TARBP1: variants seen among roughly 807,000 people sequenced by gnomAD.
The protein encoded by TARBP1 is tRNA (guanosine(18)-2'-O)-methyltransferase TARBP1.
A neutral mutation model predicts 178.6 loss-of-function variants in TARBP1; 144 were observed. The ratio of observed to expected loss-of-function variants is 0.81; its 90% CI spans 0.70 to 0.93. The LOEUF is 0.93. Ranked by LOEUF, TARBP1 falls within the 40% of genes least tolerant of loss-of-function variation. TARBP1 has a pLI of 0.00. For missense variants in TARBP1, 2,067 were observed against 2,011.7 expected (o/e 1.03, Z -0.53); for synonymous variants, 787 against 781.0 (o/e 1.01, Z -0.13).
chr1:234,479,112 C>T lies in TARBP1; in HGVS notation c.-9G>A. 2 of 1,525,352 alleles carry T rather than the reference C, an allele frequency of 1.3e-6. No individual in the cohort carries two copies. The highest frequency in any genetic ancestry group is 1.7e-6 in the Non-Finnish European group (2 of 1,150,128). The allele number at this position is 1,525,352 out of a possible 1,614,324, so 94.5% of individuals were successfully genotyped here. ...GCGAGCACCCACTCCATTTGCCGAG[C>T]GCCCGCGCCACCGGCCCGGGCTCCC... On this transcript the variant is annotated 5_prime_UTR_variant, in exon 1 of 30. Coordinates refer to ENST00000040877, the MANE Select transcript of TARBP1 (RefSeq NM_005646.4).
intron 14 of TARBP1, 78 bp downstream of exon 14, chr1:234,433,332 T>C (rs1307313967): frequency 1.4e-6 from 2 of 1,396,542 alleles, no homozygotes; most frequent in Non-Finnish European, 2.0e-6. Flanking sequence ...GGTATCAAAA[T>C]AGTGTATAAG....
intron 1 of TARBP1, among the ~76,000 whole-genome samples, chr1:234,476,827 C>A (rs1669611538): frequency 6.6e-6 from 1 of 152,216 alleles, no homozygotes; most frequent in Admixed American, 6.5e-5. Context: ...ACAGGATTTG[C>A]TTTCTGTAAC....
Position 234,478,163 on chromosome 1 carries a change from A to G in TARBP1, c.931+10T>C. The G allele has an allele frequency of 6.2e-7, 1 of 1,611,334 alleles. No individual in the cohort carries two copies. Among genetic ancestry groups the G allele is most frequent in the Non-Finnish European group, 8.5e-7 (1 of 1,179,164 alleles). ...GGTAGCACTAGGCTGGGGGGCAAAG[A>G]GGCAGGTACCGTTTCCTTCCTGGGG... On this transcript the variant is annotated intron_variant, in intron 1 of 29. Transcript: ENST00000040877.
rs114897343 is a variant in TARBP1 at position 234,421,573 on chromosome 1, C to T, written c.3445-761G>A. ...TGGTATCTACAATCTGATGCAAACA[C>T]CACTAAGAAGCCACCCCAGTACATG... is the stretch of plus-strand genomic sequence containing the variant. On this transcript the variant is annotated intron_variant, in intron 20 of 29. Coordinates refer to ENST00000040877, the MANE Select transcript of TARBP1 (RefSeq NM_005646.4). 1.6e-3 allele frequency among the ~76,000 whole-genome samples: 246 copies of T among 152,318 alleles called. 2 individuals carry two copies. Among genetic ancestry groups the T allele is most frequent in the African/African-American group, 5.7e-3 (236 of 41,564 alleles).
chr1:234,393,922 G>A (rs1659663709), intron 26 of TARBP1, 85 bp from the exon 27 acceptor site: 1 of 1,020,532 alleles, frequency 9.8e-7, no homozygotes, highest in African/African-American at 1.7e-5. Context: ...GTATTTTTAA[G>A]AATGTGAAAT....
chr1:234,453,925 G>A (rs1331519534), intron 9 of TARBP1, among the ~76,000 whole-genome samples: 6 of 152,088 alleles, frequency 3.9e-5, no homozygotes, highest in African/African-American at 1.4e-4. Flanking sequence ...CAGGACATTA[G>A]GAGACAGGCA....
intron 6 of TARBP1, among the ~76,000 whole-genome samples, chr1:234,461,467 C>T (rs948777333): frequency 1.3e-5 from 2 of 152,094 alleles, no homozygotes; most frequent in Admixed American, 6.5e-5. Context: ...GCCACCACAC[C>T]CGGCTAATTT....
At chr1:234,450,641 GTTTC>G (rs943732386) in intron 9 of TARBP1, 75 bp from the exon 10 acceptor site, 23 of 1,490,522 alleles carry the variant, frequency 1.5e-5, no homozygotes, top group African/African-American at 4.3e-5. Flanking sequence ...CTTAAGCCAC[GTTTC>G]TTTCTTTCAC....
chr1:234,404,027 T>A (rs1275452591), intron 24 of TARBP1, among the ~76,000 whole-genome samples: 5 of 152,132 alleles, frequency 3.3e-5, no homozygotes, highest in Non-Finnish European at 7.3e-5. Flanking sequence ...TCCTACCTGG[T>A]ACTGAGATTT....
At chr1:234,398,786 G>A (rs1485763787) in intron 25 of TARBP1, among the ~76,000 whole-genome samples, 1 of 151,766 alleles carries the variant, frequency 6.6e-6, no homozygotes, top group Non-Finnish European at 1.5e-5. Context: ...CTTGTACTCT[G>A]GTACTTCTAA....
intron 19 of TARBP1, 62 bp from the exon 20 acceptor site, chr1:234,425,855 T>C: frequency 1.4e-5 from 19 of 1,313,450 alleles, no homozygotes; most frequent in Non-Finnish European, 1.1e-6. Context: ...TAACATCAAA[T>C]ATTAGTTTCA....
At chr1:234,426,603 C>T (rs1182631414) in intron 19 of TARBP1, among the ~76,000 whole-genome samples, 1 of 151,976 alleles carries the variant, frequency 6.6e-6, no homozygotes, top group Non-Finnish European at 1.5e-5. Context: ...ATTTGATGTC[C>T]TAAACTCTAA....
intron 24 of TARBP1, 143 bp downstream of exon 24, chr1:234,405,760 C>T (rs1432068505): frequency 1.4e-6 from 1 of 716,222 alleles, no homozygotes; most frequent in African/African-American, 1.8e-5. Flanking sequence ...CTGCTTAGGC[C>T]TGGCCCAGTC....
chr1:234,477,844 C>T (rs1177483681), intron 1 of TARBP1, among the ~76,000 whole-genome samples: 2 of 152,160 alleles, frequency 1.3e-5, no homozygotes, highest in African/African-American at 4.8e-5. Flanking sequence ...TCAACCGTTT[C>T]TATTGGGTTG....
intron 26 of TARBP1, among the ~76,000 whole-genome samples, chr1:234,394,371 G>A (rs1488756490): frequency 2.6e-5 from 4 of 152,334 alleles, no homozygotes; most frequent in Non-Finnish European, 4.4e-5. Context: ...GACACAGAAC[G>A]TTACTAGCCT....
At chr1:234,446,633 AAATTATATAATTTCTTAATATAT>A (rs6143677) in intron 12 of TARBP1, among the ~76,000 whole-genome samples, 147 bp downstream of exon 12, 46 of 146,600 alleles carry the variant, frequency 3.1e-4, no homozygotes, top group Middle Eastern at 7.1e-3. Context: ...TATTTTTCTT[AAATTATATAATTTCTTAATATAT>A]AATTATATAA....
chr1:234,421,170 C>G (rs1663045050), intron 20 of TARBP1, among the ~76,000 whole-genome samples: 1 of 152,120 alleles, frequency 6.6e-6, no homozygotes, highest in Non-Finnish European at 1.5e-5. Flanking sequence ...CTCACTGCAA[C>G]CTCCGCCTCC....
At chr1:234,462,701 A>AG (rs1199221931) in intron 6 of TARBP1, among the ~76,000 whole-genome samples, 2 of 151,550 alleles carry the variant, frequency 1.3e-5, no homozygotes, top group East Asian at 1.9e-4. Context: ...AAAAAAAAAA[A>AG]AAAAAGAATG....
In TARBP1 at chr1:234,471,282, T is replaced by C. The variant is rs201390620; in HGVS notation, c.1030-25A>G. ...TCTAAAAATAAGAGCAAAAAAATCA[T>C]ATGAAATGAAAATGCATCTTGAAAA... On this transcript the variant is annotated intron_variant, in intron 2 of 29. Transcript: ENST00000040877. 136 of 1,475,412 alleles carry C rather than the reference T, an allele frequency of 9.2e-5. 1 individual carries two copies. The African/African-American group carries it at 1.7e-3, about 18-fold the overall frequency. 91.4% of individuals were successfully genotyped at this position (1,475,412 alleles called of 1,614,324 possible).
Sources: allele counts gnomAD v4.1 joint callset (sites outside exome capture counted in the v4.1 genomes callset), GRCh38; gene constraint gnomAD v4.1.1; transcripts MANE v1.5; gene names NCBI Gene and HGNC (gene_info 2026-07-23, HGNC 2026-07-21).